Variants in FRMD4A observed in about 807,000 individuals in gnomAD.
FRMD4A encodes FERM domain-containing protein 4A.
Under a neutral mutation model 129.1 loss-of-function variants are expected in FRMD4A, and 29 were observed. The ratio of observed to expected loss-of-function variants is 0.22; its 90% CI spans 0.17 to 0.31. The LOEUF (loss-of-function observed/expected upper bound fraction) is 0.31, where lower values mean the gene tolerates loss of function less well. Among genes scored for constraint, FRMD4A ranks in the 10% least tolerant of loss-of-function variants. The probability of loss-of-function intolerance (pLI) is 1.00; values close to 1 mark genes in which losing one functional copy is unlikely to be tolerated. For synonymous variants in FRMD4A, 634 were observed against 571.6 expected (o/e 1.11, Z -1.56); for missense variants, 1,272 against 1,375.8 (o/e 0.92, Z 1.19).
chr10:13,663,420 G>A, intron 19 of FRMD4A, 33 bp downstream of exon 19: 1 of 1,153,330 alleles, frequency 8.7e-7, no homozygotes, highest in Non-Finnish European at 1.3e-6. Flanking sequence ...ACTCTGAGCT[G>A]TAGGTTTGTA....
At chr10:14,237,484 C>A (rs1214068227) in intron 2 of FRMD4A, among the ~76,000 whole-genome samples, 1 of 152,134 alleles carries the variant, frequency 6.6e-6, no homozygotes, top group Non-Finnish European at 1.5e-5. Context: ...GCCCACACCA[C>A]AATGTCCAGC....
intron 2 of FRMD4A, among the ~76,000 whole-genome samples, chr10:13,972,888 G>A (rs751532456): frequency 6.6e-6 from 1 of 152,110 alleles, no homozygotes; most frequent in East Asian, 1.9e-4. Context: ...AAGTCATAAG[G>A]CATGTTTGCC....
intron 2 of FRMD4A, among the ~76,000 whole-genome samples, chr10:13,887,859 G>C (rs2094643606): frequency 6.6e-6 from 1 of 152,168 alleles, no homozygotes; most frequent in Non-Finnish European, 1.5e-5. Flanking sequence ...TCCAATGTAA[G>C]GGTGTGTCTA....
intron 3 of FRMD4A, among the ~76,000 whole-genome samples, chr10:13,839,771 G>C (rs1388001278): frequency 6.6e-6 from 1 of 152,218 alleles, no homozygotes; most frequent in East Asian, 1.9e-4. Context: ...GCTTGAGATT[G>C]GGAGGAGTGG....
At chr10:13,739,404 G>A (rs549608176) in intron 11 of FRMD4A, among the ~76,000 whole-genome samples, 23 of 152,336 alleles carry the variant, frequency 1.5e-4, no homozygotes, top group African/African-American at 5.3e-4. Context: ...CATGGCATCA[G>A]TGAGACCACA....
chr10:14,130,755 C>T (rs1257192436), intron 2 of FRMD4A, among the ~76,000 whole-genome samples: 4 of 152,172 alleles, frequency 2.6e-5, no homozygotes, highest in African/African-American at 9.7e-5. Context: ...TCCCTATCTG[C>T]GTGCCTATAT....
intron 23 of FRMD4A, chr10:13,653,092 A>G (rs1483266921): frequency 6.6e-6 from 1 of 151,862 alleles, no homozygotes; most frequent in Non-Finnish European, 1.5e-5. Context: ...TGAGGATTGT[A>G]TGAGCTCATG....
At chr10:13,722,987 T>C (rs946580470) in intron 12 of FRMD4A, among the ~76,000 whole-genome samples, 1 of 152,024 alleles carries the variant, frequency 6.6e-6, no homozygotes, top group South Asian at 2.1e-4. Flanking sequence ...CTTAGCTACA[T>C]CCCTATGCTG....
chr10:14,139,718 A>G (rs1344405353), intron 2 of FRMD4A, among the ~76,000 whole-genome samples: 1 of 152,144 alleles, frequency 6.6e-6, no homozygotes, highest in Admixed American at 6.5e-5. Context: ...TCAGACTGTT[A>G]AGATTACAGA....
intron 2 of FRMD4A, among the ~76,000 whole-genome samples, chr10:14,122,638 A>T (rs1270754286): frequency 5.3e-5 from 8 of 151,976 alleles, no homozygotes; most frequent in Non-Finnish European, 1.2e-4. Flanking sequence ...ACACTTTTAA[A>T]TGATTAGTTC....
intron 2 of FRMD4A, among the ~76,000 whole-genome samples, chr10:14,028,708 C>G (rs558733006): frequency 6.6e-6 from 1 of 152,144 alleles, no homozygotes; most frequent in Non-Finnish European, 1.5e-5. Context: ...GTATCGATAT[C>G]CATACTCCCA....
rs1434679949 is a variant in FRMD4A, at chr10:13,821,064, A to G, written c.112-10156T>C. ...GGGCTGTCACTGTGTGTCCCTCTCC[A>G]TCCCCATGGGGGCTCTGAGCCCAGC... On this transcript the variant is annotated intron_variant, in intron 3 of 24. Transcript: ENST00000357447. This position sits in a 1 kb window ranked among gnomAD's most constrained non-coding sequence, Gnocchi z 4.3. Among the ~76,000 whole-genome samples the G allele has an allele frequency of 6.6e-6, 1 of 152,154 alleles. No individual in the cohort carries two copies. Among genetic ancestry groups the G allele is most frequent in the Non-Finnish European group, 1.5e-5 (1 of 68,022 alleles).
chr10:13,684,716 G>A, intron 15 of FRMD4A: 1 of 985,234 alleles, frequency 1.0e-6, no homozygotes, highest in Non-Finnish European at 1.2e-6. Context: ...AGGGGATATT[G>A]ATGACCAGCC....
intron 6 of FRMD4A, among the ~76,000 whole-genome samples, chr10:13,777,134 C>T (rs927642356): frequency 1.3e-5 from 2 of 152,180 alleles, no homozygotes; most frequent in African/African-American, 4.8e-5. Flanking sequence ...CTGGGTCTGC[C>T]CGGCAGCAAA....
chr10:13,786,703 G>A (rs1359317119), intron 5 of FRMD4A, among the ~76,000 whole-genome samples: 1 of 152,076 alleles, frequency 6.6e-6, no homozygotes, highest in African/African-American at 2.4e-5. Context: ...AGAAGGAAAA[G>A]CGAGGAAAGG....
chr10:14,225,984 A>G (rs1205717016), intron 2 of FRMD4A, among the ~76,000 whole-genome samples: 1 of 152,202 alleles, frequency 6.6e-6, no homozygotes, highest in East Asian at 1.9e-4. Context: ...TGGTCTTGCT[A>G]GTTCCTACAA....
intron 2 of FRMD4A, among the ~76,000 whole-genome samples, chr10:14,319,575 G>A (rs147402742): frequency 5.3e-4 from 80 of 152,274 alleles, no homozygotes; most frequent in African/African-American, 1.7e-3. Flanking sequence ...CATTCAATGT[G>A]AAGAAAATTA....
Position 14,230,174 on chromosome 10 carries a change from C to G in FRMD4A, c.45+99884G>C, listed in dbSNP as rs142902299. Among the ~76,000 whole-genome samples, 89 of 152,338 alleles carry G rather than the reference C, an allele frequency of 5.8e-4. 1 individual carries two copies. The highest frequency in any genetic ancestry group is 2.1e-3 in the African/African-American group (86 of 41,580). ...TCCTTTACAGTCCATAGAAGTTCAC[C>G]ACAGTTGCTCATTTCCCAAATCAGA... is the stretch of plus-strand genomic sequence containing the variant. On this transcript the variant is annotated intron_variant, in intron 2 of 24. Transcript: ENST00000357447.
intron 5 of FRMD4A, among the ~76,000 whole-genome samples, chr10:13,784,590 A>G (rs1206257701): frequency 1.3e-5 from 2 of 152,242 alleles, no homozygotes; most frequent in African/African-American, 4.8e-5. Flanking sequence ...GAAATGGAAG[A>G]GGAGGAGAGT....
Sources: gnomAD v4.1 joint callset for allele counts (sites outside exome capture counted in the v4.1 genomes callset) on GRCh38, gnomAD v4.1.1 for gene constraint, Gnocchi (gnomAD v3.1) non-coding constraint, MANE v1.5 for transcripts, NCBI Gene and HGNC (gene_info 2026-07-23, HGNC 2026-07-21) for gene names.